PCDH1: variants seen among roughly 807,000 people sequenced by gnomAD.
PCDH1 encodes the protein protocadherin-1.
A neutral mutation model predicts 74.6 loss-of-function variants in PCDH1; 23 were observed. That is an observed-to-expected ratio of 0.31 (90% confidence interval 0.22 to 0.44). PCDH1 has a LOEUF of 0.44. PCDH1 is among the 20% of genes least tolerant of loss of function. PCDH1 has a pLI of 1.00. For synonymous variants in PCDH1, 647 were observed against 686.1 expected, an observed-to-expected ratio of 0.94 and a Z score of 0.89; for missense variants, 1,214 against 1,641.4, an observed-to-expected ratio of 0.74 and a Z score of 4.50.
intron 4 of PCDH1, 96 bp from the exon 5 acceptor site, chr5:141,854,532 G>A: frequency 7.6e-7 from 1 of 1,319,066 alleles, no homozygotes; most frequent in Non-Finnish European, 1.0e-6. Context: ...CCCACCTCAG[G>A]ACAGGAGTAT....
At chr5:141,876,150 G>C (rs566153882) in intron 1 of PCDH1, among the ~76,000 whole-genome samples, 23 of 152,228 alleles carry the variant, frequency 1.5e-4, no homozygotes, top group African/African-American at 5.1e-4. Context: ...GGGGGTGGCG[G>C]GGGGGACGGC....
chr5:141,857,307 G>C lies in PCDH1; in HGVS notation c.3264C>G (p.His1088Gln), dbSNP rs370388642. Residue 1088 changes from histidine (H) to glutamine (Q), a missense_variant, in exon 4 of 5, where the codon CAC becomes CAG. Transcript: ENST00000287008. ...RLGPLALPED[H>Q]YERTTPDGSI... ...TGCCATCAGGGGTGGTGCGCTCATA[G>C]TGATCCTCAGGCAGGGCCAGGGGAC... The C allele has an allele frequency of 1.2e-6, 2 of 1,613,014 alleles. No homozygotes were observed. The highest frequency in any genetic ancestry group is 1.7e-6 in the Non-Finnish European group (2 of 1,179,718).
chr5:141,856,469 C>T (rs1752343793), intron 4 of PCDH1, among the ~76,000 whole-genome samples: 1 of 152,060 alleles, frequency 6.6e-6, no homozygotes, highest in African/African-American at 2.4e-5. Context: ...TGGGTGGGAC[C>T]CGAGGACAAC....
chr5:141,865,548 ACATCGCTCCCTTTCCAGAAGC>A lies in PCDH1; in HGVS notation c.904-142_904-122del, dbSNP rs2126819814. ...AAGCATGGCAGACACAGCCAATCCA[ACATCGCTCCCTTTCCAGAAGC>A]CATGTGTGTCCTGCCTTTTCCCAAT... is the stretch of plus-strand genomic sequence containing the variant. On this transcript the variant is annotated intron_variant, in intron 2 of 4. Transcript: ENST00000287008. The surrounding 1 kb of genome is among the most constrained non-coding windows in gnomAD (Gnocchi z 4.4). The A allele has an allele frequency of 8.9e-7, 1 of 1,120,380 alleles. No individual in the cohort carries two copies. Among genetic ancestry groups the A allele is most frequent in the African/African-American group, 1.6e-5 (1 of 64,316 alleles). The allele number at this position is 1,120,380 out of a possible 1,614,324, so 69.4% of individuals were successfully genotyped here. A position where few individuals can be genotyped will look rare whatever the true frequency, so the allele number is the denominator to read the frequency against.
intron 4 of PCDH1, among the ~76,000 whole-genome samples, chr5:141,855,819 T>C (rs1015480183): frequency 6.6e-6 from 1 of 151,942 alleles, no homozygotes; most frequent in African/African-American, 2.4e-5. Context: ...GGAACAGGAG[T>C]TGGCTGCCTG....
intron 4 of PCDH1, 143 bp downstream of exon 4, chr5:141,857,109 G>T: frequency 1.6e-6 from 1 of 640,856 alleles, no homozygotes; most frequent in Non-Finnish European, 2.6e-6. Flanking sequence ...GATTAAATGC[G>T]TGTATACCTG....
chr5:141,868,961 G>A lies in PCDH1; in HGVS notation c.511C>T (p.Pro171Ser). The change falls in exon 2 of 5, where the codon CCA (proline) becomes TCA (serine). Residue 171 changes from proline to serine, a missense_variant. Pro to Ser is a moderately conservative substitution (Grantham distance 74, BLOSUM62 -1). Around this residue, in one of 4 missense-constraint regions of PCDH1, gnomAD observed 97 missense variants for 173.2 expected, o/e 0.56. Coordinates refer to ENST00000287008, the MANE Select transcript of PCDH1 (RefSeq NM_032420.5). This position sits in a 1 kb window ranked among gnomAD's most constrained non-coding sequence, Gnocchi z 4.8. ...INDNTPNFAS[P>S]VITLAIPENT... ...TCAGGGATGGCCAGAGTGATGACTG[G>A]TGAGGCGAAGTTGGGTGTGTTGTCA... 1 of 1,614,196 alleles carries A rather than the reference G, an allele frequency of 6.2e-7. No individual in the cohort carries two copies. Among genetic ancestry groups the A allele is most frequent in the Non-Finnish European group, 8.5e-7 (1 of 1,180,040 alleles).
chr5:141,856,199 A>G, intron 4 of PCDH1: 1 of 1,535,258 alleles, frequency 6.5e-7, no homozygotes, highest in Non-Finnish European at 8.7e-7. Flanking sequence ...CACAGACCCC[A>G]GACCCCAGAG....
intron 3 of PCDH1, among the ~76,000 whole-genome samples, chr5:141,858,324 G>A (rs975445588): frequency 1.3e-5 from 2 of 152,208 alleles, no homozygotes; most frequent in East Asian, 3.9e-4. Flanking sequence ...CAGTCCTCCC[G>A]ATCAGGAAAT....
At chr5:141,857,689 A>G (rs920076878) in intron 3 of PCDH1, among the ~76,000 whole-genome samples, 3 of 152,120 alleles carry the variant, frequency 2.0e-5, no homozygotes, top group African/African-American at 7.2e-5. Context: ...AGCCAAGTCC[A>G]CATACTGGAA....
intron 3 of PCDH1, among the ~76,000 whole-genome samples, chr5:141,858,327 CA>C (rs1474016639): frequency 1.3e-5 from 2 of 152,192 alleles, no homozygotes; most frequent in Non-Finnish European, 2.9e-5. Context: ...TCCTCCCGAT[CA>C]GGAAATAGAA....
chr5:141,878,231 G>T lies in PCDH1; in HGVS notation c.32C>A (p.Pro11Gln). The part of the protein sequence containing the change: MDSGAGGRRC[P>Q]EAALLILGPP... ...CGCCGCCGGATCCTTACCCGCCTCC[G>T]GGCAGCGCCGGCCGCCCGCCCCGCT... The change falls in exon 1 of 5, where the codon CCG becomes CAG. Residue 11 changes from proline (P) to glutamine (Q), a missense_variant. Physicochemically the swap from Pro to Gln is moderately conservative, Grantham distance 76. Around this residue, in one of 4 missense-constraint regions of PCDH1, gnomAD observed 87 missense variants for 87.7 expected, o/e 0.99. Coordinates refer to ENST00000287008, the MANE Select transcript of PCDH1 (RefSeq NM_032420.5). The surrounding 1 kb of genome is among the most constrained non-coding windows in gnomAD (Gnocchi z 5.5). 7.2e-7 allele frequency: 1 copy of T among 1,387,976 alleles called. No individual in the cohort carries two copies. The highest frequency in any genetic ancestry group is 1.6e-5 in the South Asian group (1 of 64,310). 86.0% of individuals were successfully genotyped at this position (1,387,976 alleles called of 1,614,324 possible). A position where few individuals can be genotyped will look rare whatever the true frequency, so the allele number is the denominator to read the frequency against.
In PCDH1 at chr5:141,869,640, T is replaced by C; in HGVS notation, c.41-209A>G. 6.5e-7 allele frequency: 1 copy of C among 1,533,726 alleles called. No homozygotes were observed. Among genetic ancestry groups the C allele is most frequent in the South Asian group, 1.2e-5 (1 of 83,200 alleles). ...GTGTAGCAGCAGTGTCTGCCCCAGC[T>C]GGAGGAGCCAGTAAGAGGCCTGGCA... On this transcript the variant is annotated intron_variant, in intron 1 of 4. Transcript: ENST00000287008. This position sits in a 1 kb window ranked among gnomAD's most constrained non-coding sequence, Gnocchi z 4.9.
chr5:141,862,319 C>T (rs567664809), intron 3 of PCDH1, among the ~76,000 whole-genome samples: 135 of 152,276 alleles, frequency 8.9e-4, no homozygotes, highest in African/African-American at 3.0e-3. Context: ...AAAAATCAAG[C>T]CTCAGATGGG....
Position 141,878,195 on chromosome 5 carries a change from G to T in PCDH1, c.40+28C>A. ...TGACCGCTTCGGGCCCCAAGCCGCT[G>T]CTGCCTCCACCGCCGCCGGATCCTT... On this transcript the variant is annotated intron_variant, in intron 1 of 4. Coordinates refer to ENST00000287008, the MANE Select transcript of PCDH1 (RefSeq NM_032420.5). The surrounding 1 kb of genome is among the most constrained non-coding windows in gnomAD (Gnocchi z 5.5). The T allele has an allele frequency of 7.0e-7, 1 of 1,431,870 alleles. No homozygotes were observed. The allele number at this position is 1,431,870 out of a possible 1,614,324, so 88.7% of individuals were successfully genotyped here. A position where few individuals can be genotyped will look rare whatever the true frequency, so the allele number is the denominator to read the frequency against.
intron 4 of PCDH1, among the ~76,000 whole-genome samples, chr5:141,855,941 G>A (rs988786859): frequency 3.3e-5 from 5 of 151,648 alleles, no homozygotes; most frequent in African/African-American, 1.2e-4. Context: ...CTCAGGGACA[G>A]CACCAGGCAG....
rs1284966477 is a variant in PCDH1 at position 141,865,870 on chromosome 5, CACT to C, written c.904-446_904-444del. ...CGGTGTGTGTGCCCGTGTGAATGTG[CACT>C]ACATGCACGCACGCATGCACATATG... On this transcript the variant is annotated intron_variant, in intron 2 of 4. Transcript: ENST00000287008. The surrounding 1 kb of genome is among the most constrained non-coding windows in gnomAD (Gnocchi z 4.4). Among the ~76,000 whole-genome samples, 3 of 147,418 alleles carry C rather than the reference CACT, an allele frequency of 2.0e-5. No individual in the cohort carries two copies.
chr5:141,870,706 G>A (rs1156792552), intron 1 of PCDH1, among the ~76,000 whole-genome samples: 4 of 151,972 alleles, frequency 2.6e-5, no homozygotes, highest in Non-Finnish European at 1.5e-5. Context: ...ATCTCCCCTG[G>A]CTTTGAGGTC....
intron 1 of PCDH1, among the ~76,000 whole-genome samples, chr5:141,876,322 C>T (rs1273226938): frequency 6.6e-6 from 1 of 152,182 alleles, no homozygotes. Flanking sequence ...AATCCCTCCT[C>T]CCCGGCATCT....
Sources: gnomAD v4.1 joint callset for allele counts (sites outside exome capture counted in the v4.1 genomes callset) on GRCh38, gnomAD v4.1.1 for gene constraint, gnomAD v4.1.1 regional missense constraint, Gnocchi (gnomAD v3.1) non-coding constraint, MANE v1.5 for transcripts, NCBI Gene and HGNC (gene_info 2026-07-23, HGNC 2026-07-21) for gene names.